MCPH1: variants seen among roughly 807,000 people sequenced by gnomAD.
MCPH1 encodes the protein microcephalin 1.
MCPH1 carries 104 observed loss-of-function variants against 84.5 expected under a neutral mutation model. That is an observed-to-expected ratio of 1.23 (90% CI 1.05 to 1.45). The LOEUF is 1.45. MCPH1 is among the 40% of genes most tolerant of loss of function. MCPH1 has a pLI of 0.00. For missense variants in MCPH1, 1,498 were observed against 1,005.7 expected (o/e 1.49, Z -6.62); for synonymous variants, 514 against 366.8 (o/e 1.40, Z -4.58).
At chr8:6,479,036 G>A (rs191279878) in intron 10 of MCPH1, among the ~76,000 whole-genome samples, 166 of 152,298 alleles carry the variant, frequency 1.1e-3, no homozygotes, top group Non-Finnish European at 2.1e-3. Context: ...GGTCCCAGGT[G>A]GACATATTGT....
chr8:6,540,469 T>C (rs1345826905), intron 12 of MCPH1, among the ~76,000 whole-genome samples: 1 of 152,226 alleles, frequency 6.6e-6, no homozygotes, highest in Admixed American at 6.5e-5. Context: ...TTAGAGGTCT[T>C]GTAGGGCACA....
chr8:6,522,445 T>C (rs1002847806), intron 12 of MCPH1, among the ~76,000 whole-genome samples: 2 of 152,018 alleles, frequency 1.3e-5, no homozygotes, highest in Admixed American at 1.3e-4. Flanking sequence ...ATATAGACAT[T>C]ATTATTCCCA....
chr8:6,623,874 C>T (rs1032342361), intron 13 of MCPH1, among the ~76,000 whole-genome samples: 1 of 152,182 alleles, frequency 6.6e-6, no homozygotes, highest in African/African-American at 2.4e-5. Context: ...GACTGCAGAA[C>T]AGAACTGGGC....
At chr8:6,523,177 T>G (rs1413670430) in intron 12 of MCPH1, among the ~76,000 whole-genome samples, 1 of 152,082 alleles carries the variant, frequency 6.6e-6, no homozygotes, top group African/African-American at 2.4e-5. Flanking sequence ...TTTTGTATTT[T>G]TAGTAGAGAT....
chr8:6,498,750 A>G (rs1479405754), intron 11 of MCPH1, among the ~76,000 whole-genome samples: 1 of 152,188 alleles, frequency 6.6e-6, no homozygotes, highest in East Asian at 1.9e-4. Flanking sequence ...TGGTCTAATT[A>G]TATGAGCTTG....
Position 6,632,701 on chromosome 8 carries a change from C to T in MCPH1, c.2453-10293C>T, listed in dbSNP as rs185274987. 2.7e-3 allele frequency among the ~76,000 whole-genome samples: 417 copies of T among 151,968 alleles called. 2 individuals are homozygous for T. Among genetic ancestry groups the T allele is most frequent in the African/African-American group, 8.1e-3 (336 of 41,432 alleles). On this transcript the variant is annotated intron_variant, in intron 13 of 13. Transcript: ENST00000344683. Reference sequence around the variant, plus strand: ...GCACGTGCCTGTAGTCCCAGCTACTCGGGAGGCTGAGGCAGGAGAATCACT... The same window carrying T: ...GCACGTGCCTGTAGTCCCAGCTACTTGGGAGGCTGAGGCAGGAGAATCACT...
chr8:6,620,467 C>G (rs1349435322), intron 12 of MCPH1, among the ~76,000 whole-genome samples: 1 of 152,104 alleles, frequency 6.6e-6, no homozygotes, highest in East Asian at 1.9e-4. Flanking sequence ...ACCCCTGCCT[C>G]CGAGGTCAGC....
At chr8:6,528,196 C>T (rs1374717466) in intron 12 of MCPH1, among the ~76,000 whole-genome samples, 3 of 152,182 alleles carry the variant, frequency 2.0e-5, no homozygotes, top group Non-Finnish European at 4.4e-5. Flanking sequence ...CTGCACCCGG[C>T]CGTTATGTCT....
intron 12 of MCPH1, among the ~76,000 whole-genome samples, chr8:6,512,733 G>A (rs1815410200): frequency 6.6e-6 from 1 of 152,154 alleles, no homozygotes; most frequent in South Asian, 2.1e-4. Context: ...TACTCTCATG[G>A]CATTTTAGAG....
chr8:6,545,529 T>G (rs1203152305), intron 12 of MCPH1, among the ~76,000 whole-genome samples: 1 of 152,198 alleles, frequency 6.6e-6, no homozygotes, highest in Non-Finnish European at 1.5e-5. Flanking sequence ...TTAAAGTAAC[T>G]ATCTTAGAGA....
chr8:6,569,860 T>C (rs533277356), intron 12 of MCPH1, among the ~76,000 whole-genome samples: 1 of 152,350 alleles, frequency 6.6e-6, no homozygotes, highest in Admixed American at 6.5e-5. Flanking sequence ...CCAGAGACTC[T>C]TAGCGGCCTT....
intron 11 of MCPH1, among the ~76,000 whole-genome samples, chr8:6,494,715 C>G (rs986672514): frequency 6.6e-6 from 1 of 151,974 alleles, no homozygotes; most frequent in African/African-American, 2.4e-5. Context: ...GAATAGAAAA[C>G]TAATTAGAAG....
At chr8:6,632,838 A>G (rs541784915) in intron 13 of MCPH1, among the ~76,000 whole-genome samples, 33 of 152,126 alleles carry the variant, frequency 2.2e-4, no homozygotes, top group Admixed American at 4.6e-4. Context: ...AAACTCAGAA[A>G]TAAGATATTT....
At chr8:6,522,830 C>A (rs1376340714) in intron 12 of MCPH1, among the ~76,000 whole-genome samples, 9 of 151,836 alleles carry the variant, frequency 5.9e-5, no homozygotes, top group Admixed American at 3.3e-4. Context: ...TACCTAAAGT[C>A]ACACACAGCA....
At chr8:6,533,362 G>C (rs957765021) in intron 12 of MCPH1, among the ~76,000 whole-genome samples, 1 of 152,184 alleles carries the variant, frequency 6.6e-6, no homozygotes, top group East Asian at 1.9e-4. Flanking sequence ...GAGTACGTGG[G>C]AAGAGCCTTT....
chr8:6,464,299 A>G (rs1390031348), intron 9 of MCPH1, among the ~76,000 whole-genome samples: 1 of 152,186 alleles, frequency 6.6e-6, no homozygotes, highest in Non-Finnish European at 1.5e-5. Context: ...TGTGGGGTCC[A>G]TCAGCAGATG....
chr8:6,416,078 T>G (rs1288556015), intron 3 of MCPH1, among the ~76,000 whole-genome samples: 1 of 152,194 alleles, frequency 6.6e-6, no homozygotes, highest in Admixed American at 6.5e-5. Flanking sequence ...TTTTCTTAAT[T>G]TTTTTAAGTT....
At chr8:6,548,926 G>T (rs554190231) in intron 12 of MCPH1, among the ~76,000 whole-genome samples, 1 of 152,216 alleles carries the variant, frequency 6.6e-6, no homozygotes, top group South Asian at 2.1e-4. Flanking sequence ...CTACCTCCTT[G>T]TTAACCTCTG....
At chr8:6,637,481 G>C (rs1797639077) in intron 13 of MCPH1, among the ~76,000 whole-genome samples, 1 of 152,134 alleles carries the variant, frequency 6.6e-6, no homozygotes, top group Non-Finnish European at 1.5e-5. Flanking sequence ...AGAAGACAAA[G>C]CAATAGGAAA....
Sources: gnomAD v4.1 joint callset for allele counts (sites outside exome capture counted in the v4.1 genomes callset) on GRCh38, gnomAD v4.1.1 for gene constraint, MANE v1.5 for transcripts, NCBI Gene and HGNC (gene_info 2026-07-23, HGNC 2026-07-21) for gene names.